The following DPPA3 variants were observed in gnomAD, a reference collection of about 807,000 sequenced individuals.
DPPA3 encodes developmental pluripotency-associated protein 3.
DPPA3 carries 9 observed loss-of-function variants against 15.6 expected under a neutral mutation model. The observed-to-expected ratio is 0.58, with a 90% CI of 0.35 to 1.01. The LOEUF is 1.01. Among genes scored for constraint, DPPA3 ranks in the 50% least tolerant of loss-of-function variants. DPPA3 has a pLI of 0.02. For synonymous variants in DPPA3, 61 were observed against 70.9 expected, an observed-to-expected ratio of 0.86 and a Z score of 0.70; for missense variants, 148 against 194.6, an observed-to-expected ratio of 0.76 and a Z score of 1.42.
In DPPA3 at chr12:7,715,294, C is replaced by T. The variant is rs1565454886; in HGVS notation, c.194C>T (p.Ser65Phe). Residue 65 changes from serine (S) to phenylalanine (F), a missense_variant, in exon 2 of 4, where the codon TCT becomes TTT. Ser to Phe is a radical substitution (Grantham distance 155). Coordinates refer to ENST00000345088, the MANE Select transcript of DPPA3 (RefSeq NM_199286.4). ...PLSEALLRRE[S>F]VGAAVLREIE... is the part of the protein sequence containing the mutation. Reference sequence around the variant, plus strand: ...TCGGAAGCTTTACTCCGTCGAGAGTCTGTAGGAGCAGCAGTCCTCAGGGAA... The same window carrying T: ...TCGGAAGCTTTACTCCGTCGAGAGTTTGTAGGAGCAGCAGTCCTCAGGGAA... 6.2e-7 allele frequency: 1 copy of T among 1,613,948 alleles called. No individual in the cohort carries two copies. Among genetic ancestry groups the T allele is most frequent in the East Asian group, 2.2e-5 (1 of 44,878 alleles).
intron 1 of DPPA3, among the ~76,000 whole-genome samples, chr12:7,712,363 A>G (rs908861564): frequency 6.0e-5 from 9 of 150,958 alleles, no homozygotes; most frequent in Non-Finnish European, 8.8e-5. Context: ...CCAAATAAAC[A>G]AAAGATAGGG....
At position 7,716,948 on chromosome 12, in the gene DPPA3, T is replaced by G; in HGVS notation, c.370-19T>G. 1 of 1,590,716 alleles carries G rather than the reference T, an allele frequency of 6.3e-7. No homozygotes were observed. The highest frequency in any genetic ancestry group is 8.6e-7 in the Non-Finnish European group (1 of 1,158,932). On this transcript the variant is annotated intron_variant, in intron 3 of 3. Transcript: ENST00000345088. ...GGGGTACAATATTCCAATTAATCCA[T>G]TTCATCATTTTTTTTCAGAAGGAAT...
intron 1 of DPPA3, 79 bp from the exon 2 acceptor site, chr12:7,715,104 C>G (rs1864383007): frequency 6.3e-7 from 1 of 1,596,554 alleles, no homozygotes. Flanking sequence ...GCCCTGTTCC[C>G]CTGCTTAAGG....
intron 1 of DPPA3, among the ~76,000 whole-genome samples, chr12:7,713,754 A>C (rs1311206028): frequency 6.6e-6 from 1 of 152,178 alleles, no homozygotes; most frequent in Non-Finnish European, 1.5e-5. Flanking sequence ...TCTGGGAGAA[A>C]ATAGTATATG....
At position 7,717,115 on chromosome 12, in the gene DPPA3, T is replaced by TA; in HGVS notation, c.*39dup. ...CACCTTTTTTTCTTGGTAGTAATTT[T>TA]ATATAGCAGGTTGAGAAAGCTACTC... is the stretch of plus-strand genomic sequence containing the variant. On this transcript the variant is annotated 3_prime_UTR_variant, in exon 4 of 4. Coordinates refer to ENST00000345088, the MANE Select transcript of DPPA3 (RefSeq NM_199286.4). 1 of 1,174,204 alleles carries TA rather than the reference T, an allele frequency of 8.5e-7. No homozygotes were observed. Among genetic ancestry groups the TA allele is most frequent in the Non-Finnish European group, 1.3e-6 (1 of 785,288 alleles). 72.7% of individuals were successfully genotyped at this position (1,174,204 alleles called of 1,614,324 possible).
chr12:7,716,760 C>T (rs1864405422), intron 3 of DPPA3, among the ~76,000 whole-genome samples: 1 of 152,180 alleles, frequency 6.6e-6, no homozygotes, highest in African/African-American at 2.4e-5. Context: ...GTTACCATTA[C>T]AAAATGACCC....
rs1447568835 is a variant in DPPA3, at chr12:7,711,505, C to A, written c.-66C>A. ...CGGGCTACCTGGTAGCAATTTGAGGCTCTGTCATCAGTTTCTGCTACGTTT... is the reference window on the plus strand; with the variant it reads ...CGGGCTACCTGGTAGCAATTTGAGGATCTGTCATCAGTTTCTGCTACGTTT... On this transcript the variant is annotated 5_prime_UTR_variant, in exon 1 of 4. Coordinates refer to ENST00000345088, the MANE Select transcript of DPPA3 (RefSeq NM_199286.4). 3.4e-6 allele frequency: 5 copies of A among 1,466,698 alleles called. No homozygotes were observed. In the Admixed American group the frequency reaches 6.4e-5, roughly 19 times the overall value. The allele number at this position is 1,466,698 out of a possible 1,614,324, so 90.9% of individuals were successfully genotyped here.
Position 7,715,351 on chromosome 12 carries a change from G to A in DPPA3, c.251G>A (p.Gly84Glu), listed in dbSNP as rs1565454912. The A allele has an allele frequency of 1.9e-6, 3 of 1,614,138 alleles. No homozygotes were observed. Among genetic ancestry groups the A allele is most frequent in the Non-Finnish European group, 2.5e-6 (3 of 1,180,016 alleles). Residue 84 changes from glycine (G) to glutamate (E), a missense_variant, in exon 2 of 4, where the codon GGA (glycine) becomes GAA (glutamate). Physicochemically the swap from Gly to Glu is moderately conservative, Grantham distance 98 (BLOSUM62 -2). Transcript: ENST00000345088. ...IEDEWLYSRR[G>E]VRTLLSVQRE... ...GATGAGTGGCTTTACAGCAGGAGAG[G>A]AGTAAGAACATTGCTGTCTGTGCAG... is the stretch of plus-strand genomic sequence containing the variant.
intron 3 of DPPA3, among the ~76,000 whole-genome samples, chr12:7,716,507 G>T: frequency 6.6e-6 from 1 of 152,036 alleles, no homozygotes; most frequent in Admixed American, 6.6e-5. Context: ...TCACACACCA[G>T]AATTGCACAC....
chr12:7,713,318 CTA>C (rs1212933251), intron 1 of DPPA3, among the ~76,000 whole-genome samples: 1 of 152,206 alleles, frequency 6.6e-6, no homozygotes, highest in African/African-American at 2.4e-5. Context: ...GAATGCTGGT[CTA>C]TATATCCGAG....
intron 1 of DPPA3, among the ~76,000 whole-genome samples, chr12:7,712,999 T>C (rs1864361136): frequency 6.6e-6 from 1 of 152,208 alleles, no homozygotes; most frequent in South Asian, 2.1e-4. Flanking sequence ...TAGCAGGACC[T>C]CCACCGGAGG....
chr12:7,716,857 G>A (rs1473824108), intron 3 of DPPA3, 110 bp from the exon 4 acceptor site: 4 of 1,005,566 alleles, frequency 4.0e-6, no homozygotes, highest in Non-Finnish European at 6.1e-6. Context: ...TTTTTTGTGT[G>A]TGTTCCCTGT....
chr12:7,711,538 C>G lies in DPPA3; in HGVS notation c.-33C>G. On this transcript the variant is annotated 5_prime_UTR_variant, in exon 1 of 4. It adds an upstream start codon to the 5' untranslated region. Transcript: ENST00000345088. ...TCAGTTTCTGCTACGTTTCAAAGAT[C>G]CTGGAGAAGCCTAGTGTTGTGTCAA... The G allele has an allele frequency of 6.3e-7, 1 of 1,592,050 alleles. No homozygotes were observed. Among genetic ancestry groups the G allele is most frequent in the Non-Finnish European group, 8.6e-7 (1 of 1,169,470 alleles).
intron 3 of DPPA3, 128 bp downstream of exon 3, chr12:7,716,367 AGG>A: frequency 1.4e-6 from 1 of 693,078 alleles, no homozygotes; most frequent in Non-Finnish European, 2.4e-6. Flanking sequence ...CTGAATCCCC[AGG>A]GACTCTGGAT....
In DPPA3 at chr12:7,712,962, G is replaced by A. The variant is rs79694686; in HGVS notation, c.82+1310G>A. Among the ~76,000 whole-genome samples, 514 of 152,328 alleles carry A rather than the reference G, an allele frequency of 3.4e-3. 3 individuals are homozygous for A. The highest frequency in any genetic ancestry group is 0.012 in the African/African-American group (479 of 41,582). ...ACTGGGAAAATGGAAGGGAGAGGCC[G>A]TAAACGTGCTCCGTAATGTAAATTA... On this transcript the variant is annotated intron_variant, in intron 1 of 3. Transcript: ENST00000345088.
chr12:7,711,728 T>C, intron 1 of DPPA3, 76 bp downstream of exon 1: 1 of 498,958 alleles, frequency 2.0e-6, no homozygotes, highest in Non-Finnish European at 2.9e-6. Context: ...GTCTTTTTTT[T>C]TTTTTTTTTT....
At chr12:7,715,128 A>T (rs749622793) in intron 1 of DPPA3, 55 bp from the exon 2 acceptor site, 11 of 1,610,416 alleles carry the variant, frequency 6.8e-6, no homozygotes, top group Non-Finnish European at 8.5e-6. Context: ...GACCTAGTTG[A>T]TGTGTGAATG....
intron 1 of DPPA3, among the ~76,000 whole-genome samples, chr12:7,711,858 T>G (rs1864349103): frequency 2.0e-5 from 3 of 149,848 alleles, no homozygotes; most frequent in African/African-American, 7.4e-5. Flanking sequence ...ATGGTGGTGG[T>G]GAGAAATGTA....
At chr12:7,716,934 TTCCAATTAA>T in intron 3 of DPPA3, 24 bp from the exon 4 acceptor site, 1 of 1,552,732 alleles carries the variant, frequency 6.4e-7, no homozygotes, top group East Asian at 2.2e-5. Flanking sequence ...GGGTACAATA[TTCCAATTAA>T]TCCATTTCAT....
Sources: gnomAD v4.1 joint callset for allele counts (sites outside exome capture counted in the v4.1 genomes callset) on GRCh38, gnomAD v4.1.1 for gene constraint, MANE v1.5 for transcripts, NCBI Gene and HGNC (gene_info 2026-07-23, HGNC 2026-07-21) for gene names.